LAMA1: variants seen among roughly 807,000 people sequenced by gnomAD.
The protein encoded by LAMA1 is laminin subunit alpha-1.
A neutral mutation model predicts 348.7 loss-of-function variants in LAMA1; 219 were observed. That is an observed-to-expected ratio of 0.63 (90% CI 0.56 to 0.70). The LOEUF (loss-of-function observed/expected upper bound fraction) is 0.70, where lower values mean the gene tolerates loss of function less well. Among genes scored for constraint, LAMA1 ranks in the 30% least tolerant of loss-of-function variants. The pLI is 0.00. For synonymous variants in LAMA1, 1,487 were observed against 1,491.0 expected (o/e 1.00, Z 0.06); for missense variants, 3,744 against 3,888.0 (o/e 0.96, Z 0.99).
intron 3 of LAMA1, among the ~76,000 whole-genome samples, chr18:7,052,583 C>T (rs535931629): frequency 2.2e-4 from 34 of 151,962 alleles, no homozygotes; most frequent in South Asian, 1.9e-3. Flanking sequence ...AAAAATTAGC[C>T]GGCCGTGGAG....
intron 3 of LAMA1, among the ~76,000 whole-genome samples, chr18:7,077,251 G>A (rs536487455): frequency 6.8e-6 from 1 of 148,022 alleles, no homozygotes; most frequent in Non-Finnish European, 1.5e-5. Context: ...GCCCAGGCTG[G>A]AGTGCAGTGG....
intron 1 of LAMA1, among the ~76,000 whole-genome samples, chr18:7,099,941 C>G (rs907196183): frequency 2.0e-5 from 3 of 151,342 alleles, no homozygotes; most frequent in African/African-American, 7.3e-5. Flanking sequence ...CACCTGTAGT[C>G]CCAGCTACTC....
rs776586207 is a variant in LAMA1 at position 7,050,839 on chromosome 18, G to A, written c.443C>T (p.Pro148Leu). Residue 148 changes from proline (P) to leucine (L), a missense_variant, in exon 4 of 63, where the codon CCC becomes CTC. By Grantham distance (98) the Pro-to-Leu change is moderately conservative. This residue lies in a region of LAMA1 where 1,529 missense variants were observed against 1,689.4 expected (regional missense o/e 0.91). Transcript: ENST00000389658. ...ERSLDGTTFS[P>L]WQYYAVSDSE... ...GTCGCTGACTGCATAATACTGCCAGGGGCTGAACGTGGTGCCATCCAGAGA... is the reference window on the plus strand; with the variant it reads ...GTCGCTGACTGCATAATACTGCCAGAGGCTGAACGTGGTGCCATCCAGAGA... 1 of 1,614,138 alleles carries A rather than the reference G, an allele frequency of 6.2e-7. No individual in the cohort carries two copies. Among genetic ancestry groups the A allele is most frequent in the East Asian group, 2.2e-5 (1 of 44,882 alleles).
chr18:6,996,604 C>G (rs149393895), intron 33 of LAMA1, among the ~76,000 whole-genome samples: 2 of 151,878 alleles, frequency 1.3e-5, no homozygotes, highest in Non-Finnish European at 2.9e-5. Context: ...GAGAGCTCAT[C>G]TCTATTAAAA....
chr18:7,077,791 G>A (rs1348814074), intron 3 of LAMA1, among the ~76,000 whole-genome samples: 1 of 152,042 alleles, frequency 6.6e-6, no homozygotes, highest in Non-Finnish European at 1.5e-5. Flanking sequence ...AAATCTTCCA[G>A]AGAACCATTC....
Position 6,966,317 on chromosome 18 carries a change from A to C in LAMA1, c.6900-20T>G. On this transcript the variant is annotated intron_variant, in intron 48 of 62. Transcript: ENST00000389658. ...TGGGAGCTGCAAAGCAGAAGAGATGAAATAGAATCCATTCTCAGGAGGGTA... is the reference window on the plus strand; with the variant it reads ...TGGGAGCTGCAAAGCAGAAGAGATGCAATAGAATCCATTCTCAGGAGGGTA... The C allele has an allele frequency of 6.2e-7, 1 of 1,610,882 alleles. No homozygotes were observed. Among genetic ancestry groups the C allele is most frequent in the Non-Finnish European group, 8.5e-7 (1 of 1,178,492 alleles).
intron 1 of LAMA1, among the ~76,000 whole-genome samples, chr18:7,090,917 T>C (rs2058237448): frequency 6.6e-6 from 1 of 152,150 alleles, no homozygotes; most frequent in Non-Finnish European, 1.5e-5. Context: ...TGTTAAGAGT[T>C]CCATTTCCCT....
chr18:7,043,214 G>C lies in LAMA1; in HGVS notation c.1155+13C>G. The stretch of plus-strand genomic sequence containing the variant: ...GATGATGAAGATCAGCAATGGCAAA[G>C]AAATACTCTTACTTTGTGTGGTCTA... On this transcript the variant is annotated intron_variant, in intron 8 of 62. Transcript: ENST00000389658. 1 of 1,613,874 alleles carries C rather than the reference G, an allele frequency of 6.2e-7. No individual in the cohort carries two copies.
At position 6,979,696 on chromosome 18, in the gene LAMA1, G is replaced by A. The variant is rs534993361; in HGVS notation, c.6007+825C>T. The stretch of plus-strand genomic sequence containing the variant: ...GGGCGGATCACGAGGTCAGGAGATC[G>A]AGACCATCCTGGCTAACACGGTGAA... On this transcript the variant is annotated intron_variant, in intron 42 of 62. Transcript: ENST00000389658. 2.5e-3 allele frequency among the ~76,000 whole-genome samples: 378 copies of A among 152,134 alleles called. 1 individual carries two copies. Among genetic ancestry groups the A allele is most frequent in the African/African-American group, 7.8e-3 (324 of 41,478 alleles).
Position 7,018,418 on chromosome 18 carries a change from C to T in LAMA1, c.2702-1034G>A, listed in dbSNP as rs192677486. ...GGTACTCTTTTTTTTTTTTTTGAGA[C>T]GGAGTGTCACTCTGTCACCCAGGCT... On this transcript the variant is annotated intron_variant, in intron 19 of 62. Transcript: ENST00000389658. Among the ~76,000 whole-genome samples the T allele has an allele frequency of 2.8e-3, 363 of 129,330 alleles. 1 individual carries two copies. Among genetic ancestry groups the T allele is most frequent in the African/African-American group, 6.5e-3 (220 of 33,690 alleles). 84.8% of individuals were successfully genotyped at this position (129,330 alleles called of 152,430 possible). A position where few individuals can be genotyped will look rare whatever the true frequency, so the allele number is the denominator to read the frequency against.
At chr18:6,965,200 T>C in intron 50 of LAMA1, 88 bp downstream of exon 50, 6 of 1,513,592 alleles carry the variant, frequency 4.0e-6, no homozygotes, top group Non-Finnish European at 5.5e-6. Context: ...CCCAGGAAAC[T>C]ACTGTGGAAA....
At chr18:6,983,869 T>C (rs987520924) in intron 39 of LAMA1, among the ~76,000 whole-genome samples, 2 of 152,230 alleles carry the variant, frequency 1.3e-5, no homozygotes, top group Admixed American at 6.5e-5. Flanking sequence ...CTTTGCCTGC[T>C]GAGTAACTCA....
At chr18:6,979,017 G>A (rs1252215373) in intron 42 of LAMA1, among the ~76,000 whole-genome samples, 4 of 152,102 alleles carry the variant, frequency 2.6e-5, no homozygotes, top group African/African-American at 9.7e-5. Context: ...ATTCATTTTC[G>A]AAGCATTTAA....
At chr18:7,084,182 G>T (rs1310193356) in intron 1 of LAMA1, among the ~76,000 whole-genome samples, 1 of 151,538 alleles carries the variant, frequency 6.6e-6, no homozygotes, top group South Asian at 2.1e-4. Flanking sequence ...TTTAGATGGG[G>T]TTTCACTCTT....
intron 1 of LAMA1, among the ~76,000 whole-genome samples, chr18:7,084,189 T>C (rs1339070694): frequency 1.3e-5 from 2 of 151,652 alleles, no homozygotes; most frequent in African/African-American, 4.8e-5. Flanking sequence ...GGGGTTTCAC[T>C]CTTTTTGCCC....
At chr18:6,980,249 C>G (rs2057705061) in intron 42 of LAMA1, among the ~76,000 whole-genome samples, 1 of 152,134 alleles carries the variant, frequency 6.6e-6, no homozygotes, top group African/African-American at 2.4e-5. Flanking sequence ...TGTGTCAATC[C>G]CATTTCAAAA....
At chr18:7,042,479 T>G (rs1462596258) in intron 8 of LAMA1, 1 of 490,934 alleles carries the variant, frequency 2.0e-6, no homozygotes. Context: ...TGTCATCTTT[T>G]TCTATTATCC....
intron 43 of LAMA1, 108 bp downstream of exon 43, chr18:6,978,088 A>G (rs2057690905): frequency 4.1e-6 from 6 of 1,455,030 alleles, no homozygotes; most frequent in Non-Finnish European, 5.8e-6. Context: ...ATGTTAGCAT[A>G]CTTCTACTTT....
chr18:7,079,880 T>C, intron 3 of LAMA1, 95 bp downstream of exon 3: 1 of 862,496 alleles, frequency 1.2e-6, no homozygotes, highest in East Asian at 2.5e-5. Flanking sequence ...AGAATGTAAA[T>C]GTGTTCAGAA....
Sources: gnomAD v4.1 joint callset for allele counts (sites outside exome capture counted in the v4.1 genomes callset) on GRCh38, gnomAD v4.1.1 for gene constraint, gnomAD v4.1.1 regional missense constraint, MANE v1.5 for transcripts, NCBI Gene and HGNC (gene_info 2026-07-23, HGNC 2026-07-21) for gene names.